ZUP1: variants seen among roughly 807,000 people sequenced by gnomAD.
ZUP1 encodes the protein zinc finger containing ubiquitin peptidase 1.
ZUP1 carries 55 observed loss-of-function variants against 68.1 expected under a neutral mutation model. The observed-to-expected ratio is 0.81, with a 90% CI of 0.65 to 1.01. The LOEUF (loss-of-function observed/expected upper bound fraction) is 1.01. Among genes scored for constraint, ZUP1 ranks in the 50% least tolerant of loss-of-function variants. The pLI is 0.00. For synonymous variants in ZUP1, 223 were observed against 221.5 expected, an observed-to-expected ratio of 1.01 and a Z score of -0.06; for missense variants, 684 against 674.9, an observed-to-expected ratio of 1.01 and a Z score of -0.15.
chr6:116,658,560 A>C (rs528078153), intron 4 of ZUP1, among the ~76,000 whole-genome samples: 18 of 152,322 alleles, frequency 1.2e-4, no homozygotes, highest in African/African-American at 4.1e-4. Context: ...ATCTGAAAAA[A>C]AAGGGGGCGT....
intron 8 of ZUP1, among the ~76,000 whole-genome samples, 174 bp downstream of exon 8, chr6:116,647,285 G>A (rs1776339239): frequency 6.6e-6 from 1 of 152,152 alleles, no homozygotes; most frequent in South Asian, 2.1e-4. Context: ...CTTGAACCTG[G>A]AAGGTGGAGG....
In ZUP1 at chr6:116,666,764, T is replaced by C. The variant is rs748929622; in HGVS notation, c.429A>G (p.Lys143=). ...TGTATGTTGTTTCATAAACAGATCCTTTTATTTCGGTCAGGCTGGACTGTT... is the reference window on the plus strand; with the variant it reads ...TGTATGTTGTTTCATAAACAGATCCCTTTATTTCGGTCAGGCTGGACTGTT... ...REKQSSLTEI[K]GSVYETTYSP... The change falls in exon 2 of 10, where the codon AAA becomes AAG. Residue 143 remains lysine (K), a synonymous_variant. Coordinates refer to ENST00000368576, the MANE Select transcript of ZUP1 (RefSeq NM_145062.3). 5 of 1,613,836 alleles carry C rather than the reference T, an allele frequency of 3.1e-6. No individual in the cohort carries two copies. The highest frequency in any genetic ancestry group is 4.2e-6 in the Non-Finnish European group (5 of 1,179,934).
At chr6:116,645,500 G>C (rs1221051173) in intron 9 of ZUP1, among the ~76,000 whole-genome samples, 3 of 150,196 alleles carry the variant, frequency 2.0e-5, no homozygotes, top group African/African-American at 7.4e-5. Context: ...AGGATCGCTT[G>C]AGCCTGGGAG....
intron 9 of ZUP1, among the ~76,000 whole-genome samples, chr6:116,639,161 G>A (rs1000672145): frequency 5.9e-5 from 9 of 152,220 alleles, no homozygotes; most frequent in East Asian, 1.9e-4. Context: ...GCCCAGGCTC[G>A]CTTAGGTAAA....
intron 4 of ZUP1, 22 bp from the exon 5 acceptor site, chr6:116,656,874 G>C (rs1776684107): frequency 6.6e-7 from 1 of 1,507,742 alleles, no homozygotes; most frequent in Non-Finnish European, 9.0e-7. Flanking sequence ...AAAAATAAAT[G>C]ACTTAATTTT....
In ZUP1 at chr6:116,641,280, C is replaced by T. The variant is rs191460201; in HGVS notation, c.1689+4434G>A. Among the ~76,000 whole-genome samples the T allele has an allele frequency of 3.3e-3, 497 of 152,176 alleles. 13 individuals carry two copies. Among genetic ancestry groups the T allele is most frequent in the Admixed American group, 0.024 (366 of 15,270 alleles). The stretch of plus-strand genomic sequence containing the variant: ...CCACTGTCAACATTAGACAGATCAA[C>T]GAGACAGGAAGTTAACAAGAATACC... On this transcript the variant is annotated intron_variant, in intron 9 of 9. Coordinates refer to ENST00000368576, the MANE Select transcript of ZUP1 (RefSeq NM_145062.3).
chr6:116,658,702 T>G, intron 4 of ZUP1, 101 bp downstream of exon 4: 2 of 1,160,272 alleles, frequency 1.7e-6, no homozygotes, highest in Non-Finnish European at 2.3e-6. Context: ...TGTATAAATT[T>G]TTTTTGAATA....
chr6:116,656,237 G>A (rs1345337253), intron 5 of ZUP1, among the ~76,000 whole-genome samples: 11 of 151,954 alleles, frequency 7.2e-5, no homozygotes, highest in South Asian at 2.1e-4. Context: ...GTGCCACCAC[G>A]CCCAGCTAAT....
At chr6:116,655,921 G>A (rs1469568018) in intron 5 of ZUP1, among the ~76,000 whole-genome samples, 2 of 152,190 alleles carry the variant, frequency 1.3e-5, no homozygotes, top group Admixed American at 6.5e-5. Flanking sequence ...GTGCTGTGAA[G>A]TAGAAAATAC....
intron 9 of ZUP1, 93 bp downstream of exon 9, chr6:116,645,621 A>T: frequency 9.8e-7 from 1 of 1,022,432 alleles, no homozygotes; most frequent in Non-Finnish European, 1.4e-6. Flanking sequence ...TAGAAAAAAA[A>T]GAAAAAAGTG....
At chr6:116,656,077 GT>G (rs34192854) in intron 5 of ZUP1, among the ~76,000 whole-genome samples, 23,669 of 104,032 alleles carry the variant, frequency 0.23, 2,742 homozygotes, top group African/African-American at 0.39. Context: ...ACTTTTTTTT[GT>G]TTTTTTTTTG....
chr6:116,639,997 G>A (rs1448679530), intron 9 of ZUP1, among the ~76,000 whole-genome samples: 2 of 152,334 alleles, frequency 1.3e-5, no homozygotes, highest in Middle Eastern at 3.4e-3. Context: ...GCTTAAAGGA[G>A]CTGATGGAGC....
chr6:116,650,100 T>C (rs1298425466), intron 7 of ZUP1, among the ~76,000 whole-genome samples: 1 of 151,956 alleles, frequency 6.6e-6, no homozygotes, highest in Non-Finnish European at 1.5e-5. Context: ...AGCAAAGATT[T>C]TTAAAAAAGA....
intron 2 of ZUP1, among the ~76,000 whole-genome samples, chr6:116,665,068 C>CT (rs766802966): frequency 6.6e-6 from 1 of 151,980 alleles, no homozygotes; most frequent in East Asian, 1.9e-4. Context: ...TAAGCAACAT[C>CT]TTATGGAATA....
At chr6:116,636,983 T>C (rs1775926667) in intron 9 of ZUP1, among the ~76,000 whole-genome samples, 1 of 152,168 alleles carries the variant, frequency 6.6e-6, no homozygotes, top group African/African-American at 2.4e-5. Context: ...TCCTACAGTA[T>C]AAAGTACTGT....
chr6:116,667,558 A>G (rs1777049841), intron 1 of ZUP1, among the ~76,000 whole-genome samples: 1 of 152,182 alleles, frequency 6.6e-6, no homozygotes, highest in Non-Finnish European at 1.5e-5. Flanking sequence ...ATCAACTGAT[A>G]TATCTAAATA....
chr6:116,645,023 T>C (rs920884824), intron 9 of ZUP1, among the ~76,000 whole-genome samples: 9 of 152,086 alleles, frequency 5.9e-5, no homozygotes, highest in Non-Finnish European at 1.0e-4. Context: ...GAAAACATCA[T>C]TTAAGATGTA....
intron 2 of ZUP1, among the ~76,000 whole-genome samples, chr6:116,664,879 GACACAC>G (rs144584776): frequency 1.1e-3 from 164 of 147,242 alleles, no homozygotes; most frequent in Middle Eastern, 3.5e-3. Context: ...CACAAGTACA[GACACAC>G]ACACACACAC....
At chr6:116,639,899 G>T (rs1432912171) in intron 9 of ZUP1, among the ~76,000 whole-genome samples, 2 of 152,196 alleles carry the variant, frequency 1.3e-5, no homozygotes, top group Admixed American at 1.3e-4. Flanking sequence ...CGAGCTACAG[G>T]ATGAAATTCA....
Sources: allele counts gnomAD v4.1 joint callset (sites outside exome capture counted in the v4.1 genomes callset), GRCh38; gene constraint gnomAD v4.1.1; transcripts MANE v1.5; gene names NCBI Gene and HGNC (gene_info 2026-07-23, HGNC 2026-07-21).